The following PANX1 variants were observed in gnomAD, a reference collection of about 807,000 sequenced individuals.
PANX1 encodes the protein pannexin-1.
Under a neutral mutation model 38.7 loss-of-function variants are expected in PANX1, and 30 were observed. The observed-to-expected ratio is 0.78, with a 90% CI of 0.58 to 1.05. PANX1 has a LOEUF of 1.05. Among genes scored for constraint, PANX1 ranks in the 50% least tolerant of loss-of-function variants. PANX1 has a pLI of 0.00. For missense variants in PANX1, 551 were observed against 517.2 expected (o/e 1.07, Z -0.63); for synonymous variants, 230 against 212.2 (o/e 1.08, Z -0.73).
At chr11:94,175,579 C>T (rs2134522496) in intron 2 of PANX1, among the ~76,000 whole-genome samples, 1 of 151,848 alleles carries the variant, frequency 6.6e-6, no homozygotes, top group Non-Finnish European at 1.5e-5. Context: ...ACAGATGTTT[C>T]ACAAGCCCAT....
rs562049430 is a variant in PANX1, at chr11:94,162,560, G to A, written c.321+8930G>A. On this transcript the variant is annotated intron_variant, in intron 2 of 4. Transcript: ENST00000227638. ...TTCTGGTGTGCCATTTGCTAATACCGTTGGATAAGCGCAGTATTAGGGTGG... is the reference window on the plus strand; with the variant it reads ...TTCTGGTGTGCCATTTGCTAATACCATTGGATAAGCGCAGTATTAGGGTGG... Among the ~76,000 whole-genome samples, 119 of 152,342 alleles carry A rather than the reference G, an allele frequency of 7.8e-4. No homozygotes were observed. The Middle Eastern group carries it at 0.014, about 17-fold the overall frequency.
chr11:94,170,087 C>T (rs1947147860), intron 2 of PANX1, among the ~76,000 whole-genome samples: 1 of 151,608 alleles, frequency 6.6e-6, no homozygotes, highest in Admixed American at 6.6e-5. Context: ...TTACCTTTCT[C>T]TTTGTAGGTA....
At chr11:94,141,043 C>G (rs1169998345) in intron 1 of PANX1, among the ~76,000 whole-genome samples, 1 of 152,174 alleles carries the variant, frequency 6.6e-6, no homozygotes, top group Middle Eastern at 3.4e-3. Flanking sequence ...CATGAGAGAA[C>G]GAGAGTAGAA....
At chr11:94,156,832 C>T (rs1336555448) in intron 2 of PANX1, among the ~76,000 whole-genome samples, 3 of 151,254 alleles carry the variant, frequency 2.0e-5, no homozygotes, top group Non-Finnish European at 4.4e-5. Flanking sequence ...CCCATTAACT[C>T]GTCATTTAAC....
intron 2 of PANX1, among the ~76,000 whole-genome samples, chr11:94,158,513 G>A (rs1406538752): frequency 2.0e-5 from 3 of 151,624 alleles, no homozygotes; most frequent in Non-Finnish European, 4.4e-5. Flanking sequence ...TGAAGCAATT[G>A]TGAATGGGAG....
At chr11:94,157,881 G>C (rs371594295) in intron 2 of PANX1, among the ~76,000 whole-genome samples, 8,403 of 152,050 alleles carry the variant, frequency 0.055, 791 homozygotes, top group African/African-American at 0.19. Context: ...TTAGGTCTAA[G>C]ATTTAAGTCT....
At position 94,180,796 on chromosome 11, in the gene PANX1, A is replaced by G. The variant is rs1383812687; in HGVS notation, c.1208A>G (p.Asn403Ser). 1.3e-6 allele frequency: 2 copies of G among 1,498,524 alleles called. No individual in the cohort carries two copies. The highest frequency in any genetic ancestry group is 3.3e-5 in the Admixed American group (2 of 59,878). 92.8% of individuals were successfully genotyped at this position (1,498,524 alleles called of 1,614,324 possible). The change falls in exon 5 of 5, where the codon AAC becomes AGC. Residue 403 changes from asparagine (N) to serine (S), a missense_variant. Physicochemically the swap from Asn to Ser is conservative, Grantham distance 46. Coordinates refer to ENST00000227638, the MANE Select transcript of PANX1 (RefSeq NM_015368.4). Reference protein sequence around the residue: ...GNQTAELQGMNIDSETKANNG... With the variant: ...GNQTAELQGMSIDSETKANNG... ...TTGTTTTCAATTTTGACAGGTATGA[A>G]CATAGACAGTGAAACTAAAGCAAAT...
Position 94,180,091 on chromosome 11 carries a change from C to T in PANX1, c.1035C>T (p.Tyr345=). ...LEENISEVKS[Y]KCLKVLENIK... ...AAAATATAAGTGAGGTCAAGTCATA[C>T]AAGTGTCTTAAGGTACTGGAGAATA... Residue 345 remains tyrosine, a synonymous_variant, in exon 4 of 5, where the codon TAC becomes TAT. Transcript: ENST00000227638. 6.2e-7 allele frequency: 1 copy of T among 1,613,974 alleles called. No homozygotes were observed.
chr11:94,140,910 A>G (rs1274130840), intron 1 of PANX1, among the ~76,000 whole-genome samples: 4 of 152,140 alleles, frequency 2.6e-5, no homozygotes, highest in African/African-American at 9.7e-5. Flanking sequence ...GAATAGCATT[A>G]TTTTCTATTT....
rs1052778480 is a variant in PANX1 at position 94,142,412 on chromosome 11, G to A, written c.182-11079G>A. Among the ~76,000 whole-genome samples the A allele has an allele frequency of 3.7e-4, 57 of 152,092 alleles. 1 individual carries two copies. The highest frequency in any genetic ancestry group is 1.4e-3 in the African/African-American group (56 of 41,416). Reference sequence around the variant, plus strand: ...GCCTTTACTCATAAATTTAAGTCTGGACTTCCCAGTCTGTCACCCCAGGAT... The same window carrying A: ...GCCTTTACTCATAAATTTAAGTCTGAACTTCCCAGTCTGTCACCCCAGGAT... On this transcript the variant is annotated intron_variant, in intron 1 of 4. Transcript: ENST00000227638.
At chr11:94,153,102 G>A (rs1038023255) in intron 1 of PANX1, among the ~76,000 whole-genome samples, 4 of 151,932 alleles carry the variant, frequency 2.6e-5, no homozygotes, top group South Asian at 2.1e-4. Flanking sequence ...CCAATTTTCC[G>A]CATTCAGGTG....
At chr11:94,147,530 A>G (rs989095932) in intron 1 of PANX1, among the ~76,000 whole-genome samples, 2 of 152,032 alleles carry the variant, frequency 1.3e-5, no homozygotes, top group Non-Finnish European at 2.9e-5. Context: ...TTGTCTGTCT[A>G]TTCTTGTGGG....
chr11:94,130,860 CTA>C (rs901793790), intron 1 of PANX1, among the ~76,000 whole-genome samples: 4 of 152,170 alleles, frequency 2.6e-5, no homozygotes, highest in Non-Finnish European at 5.9e-5. Context: ...GAAAGAATGA[CTA>C]TGAGTGTGAT....
intron 2 of PANX1, among the ~76,000 whole-genome samples, chr11:94,176,654 G>A (rs1489996697): frequency 6.6e-6 from 1 of 151,578 alleles, no homozygotes; most frequent in Non-Finnish European, 1.5e-5. Flanking sequence ...TTGAGGGGAG[G>A]GTTTCATGTC....
intron 1 of PANX1, among the ~76,000 whole-genome samples, chr11:94,132,186 G>C (rs1036363242): frequency 6.6e-5 from 10 of 152,206 alleles, no homozygotes; most frequent in Admixed American, 5.9e-4. Context: ...ATTGTTATGT[G>C]CATGATGCTG....
chr11:94,159,347 C>G (rs918841984), intron 2 of PANX1, among the ~76,000 whole-genome samples: 3 of 152,090 alleles, frequency 2.0e-5, no homozygotes, highest in Non-Finnish European at 4.4e-5. Context: ...CTCCTTGTAC[C>G]TCTGGTAGAA....
chr11:94,129,587 C>A, intron 1 of PANX1, 94 bp downstream of exon 1: 1 of 1,151,358 alleles, frequency 8.7e-7, no homozygotes, highest in Non-Finnish European at 1.2e-6. Flanking sequence ...TGGGTACGCC[C>A]AGCTGTGATG....
intron 4 of PANX1, 130 bp from the exon 5 acceptor site, chr11:94,180,660 T>G: frequency 1.7e-6 from 1 of 588,326 alleles, no homozygotes; most frequent in South Asian, 2.3e-5. Flanking sequence ...GTTTATTGAT[T>G]CTTTTAGTTA....
At chr11:94,145,315 A>G (rs1169433177) in intron 1 of PANX1, among the ~76,000 whole-genome samples, 8 of 152,156 alleles carry the variant, frequency 5.3e-5, no homozygotes, top group Admixed American at 1.3e-4. Context: ...TAATTGTGCA[A>G]GCATGTTTTT....
Sources: gnomAD v4.1 joint callset for allele counts (sites outside exome capture counted in the v4.1 genomes callset) on GRCh38, gnomAD v4.1.1 for gene constraint, MANE v1.5 for transcripts, NCBI Gene and HGNC (gene_info 2026-07-23, HGNC 2026-07-21) for gene names.